Variants in RFWD3 observed in about 807,000 individuals in gnomAD.
RFWD3 encodes the protein ring finger and WD repeat domain 3, also known as E3 ubiquitin-protein ligase RFWD3.
Under a neutral mutation model 87.7 loss-of-function variants are expected in RFWD3, and 65 were observed. The observed-to-expected ratio is 0.74, with a 90% CI of 0.61 to 0.91. The LOEUF (loss-of-function observed/expected upper bound fraction) is 0.91, where lower values mean the gene tolerates loss of function less well. RFWD3 is among the 40% of genes least tolerant of loss of function. The pLI is 0.00. For missense variants in RFWD3, 1,078 were observed against 938.5 expected, an observed-to-expected ratio of 1.15 and a Z score of -1.94; for synonymous variants, 433 against 352.8, an observed-to-expected ratio of 1.23 and a Z score of -2.55.
intron 8 of RFWD3, among the ~76,000 whole-genome samples, chr16:74,635,520 T>C (rs1232971079): frequency 6.6e-6 from 1 of 151,122 alleles, no homozygotes; most frequent in African/African-American, 2.4e-5. Context: ...GAGTTAATCA[T>C]TAAGGGGAAC....
rs1313517434 is a variant in RFWD3 at position 74,661,363 on chromosome 16, G to A, written c.87C>T (p.Ser29=). Reference sequence around the variant, plus strand: ...GCTGGAGGAGGGCTGGTCCCCCTTGGCTGCTGGCCATGCCAGCAGGAGCTG... The same window carrying A: ...GCTGGAGGAGGGCTGGTCCCCCTTGACTGCTGGCCATGCCAGCAGGAGCTG... The part of the protein sequence containing the change: ...QQPAPAGMAS[S]QGGPALLQPV... The change falls in exon 2 of 13, where the codon AGC becomes AGT. Residue 29 remains serine, a synonymous_variant. Transcript: ENST00000361070. 2 of 1,614,074 alleles carry A rather than the reference G, an allele frequency of 1.2e-6. No individual in the cohort carries two copies. The highest frequency in any genetic ancestry group is 1.6e-4 in the Middle Eastern group (1 of 6,062).
chr16:74,642,982 C>T (rs1019861851), intron 6 of RFWD3, among the ~76,000 whole-genome samples: 1 of 152,182 alleles, frequency 6.6e-6, no homozygotes. Flanking sequence ...TCACCCATTA[C>T]AGCCACACGT....
chr16:74,646,362 T>G (rs1008766790), intron 4 of RFWD3, among the ~76,000 whole-genome samples: 1 of 152,114 alleles, frequency 6.6e-6, no homozygotes, highest in Non-Finnish European at 1.5e-5. Context: ...AGGGACAGAA[T>G]GAGACCCTGT....
intron 10 of RFWD3, 22 bp downstream of exon 10, chr16:74,630,758 GA>G: frequency 5.1e-6 from 8 of 1,565,404 alleles, no homozygotes; most frequent in Non-Finnish European, 6.1e-6. Flanking sequence ...CTACCACCAG[GA>G]AAAGAGTGAG....
intron 4 of RFWD3, among the ~76,000 whole-genome samples, chr16:74,647,304 T>C (rs1358661257): frequency 1.3e-5 from 2 of 152,126 alleles, no homozygotes; most frequent in African/African-American, 4.8e-5. Context: ...TATTTTTTTT[T>C]TGACATGGAG....
At chr16:74,633,710 G>A (rs963366300) in intron 8 of RFWD3, among the ~76,000 whole-genome samples, 1 of 152,188 alleles carries the variant, frequency 6.6e-6, no homozygotes, top group African/African-American at 2.4e-5. Context: ...AGCACTTTGG[G>A]AGGCTGAGGT....
chr16:74,663,621 C>T (rs569509872), intron 1 of RFWD3, among the ~76,000 whole-genome samples: 1 of 152,310 alleles, frequency 6.6e-6, no homozygotes, highest in East Asian at 1.9e-4. Flanking sequence ...AACCCACGAA[C>T]ATGACCCCCA....
At chr16:74,637,109 GT>G (rs1959216578) in intron 7 of RFWD3, among the ~76,000 whole-genome samples, 1 of 107,114 alleles carries the variant, frequency 9.3e-6, no homozygotes, top group Admixed American at 1.1e-4. Flanking sequence ...TGGTGGTTTC[GT>G]TTAAAGTCCT....
Position 74,621,521 on chromosome 16 carries a change from C to T in RFWD3, c.*2407G>A, listed in dbSNP as rs1366234471. The T allele has an allele frequency of 6.6e-6, 1 of 151,998 alleles. No individual in the cohort carries two copies. Among genetic ancestry groups the T allele is most frequent in the African/African-American group, 2.4e-5 (1 of 41,378 alleles). The allele number at this position is 151,998 out of a possible 1,614,324, so 9.4% of individuals were successfully genotyped here. A position where few individuals can be genotyped will look rare whatever the true frequency, so the allele number is the denominator to read the frequency against. Reference sequence around the variant, plus strand: ...GCAGGGGCAAGAATACATACAATGACAAGACATTTTGAGTTCGTTTAACTC... The same window carrying T: ...GCAGGGGCAAGAATACATACAATGATAAGACATTTTGAGTTCGTTTAACTC... On this transcript the variant is annotated 3_prime_UTR_variant, in exon 13 of 13. Coordinates refer to ENST00000361070, the MANE Select transcript of RFWD3 (RefSeq NM_018124.4).
chr16:74,637,016 A>G (rs1268740009), intron 7 of RFWD3, among the ~76,000 whole-genome samples: 1 of 151,324 alleles, frequency 6.6e-6, no homozygotes, highest in Non-Finnish European at 1.5e-5. Flanking sequence ...CCCGGCCAGA[A>G]CTGCTGAGTT....
At chr16:74,643,678 T>C (rs1184866348) in intron 6 of RFWD3, among the ~76,000 whole-genome samples, 2 of 113,606 alleles carry the variant, frequency 1.8e-5, no homozygotes, top group Non-Finnish European at 4.1e-5. Context: ...TGTTTTTTTT[T>C]TTTTTTTTTT....
chr16:74,636,334 T>C lies in RFWD3; in HGVS notation c.1426+12A>G. 1 of 1,609,592 alleles carries C rather than the reference T, an allele frequency of 6.2e-7. No homozygotes were observed. Among genetic ancestry groups the C allele is most frequent in the Non-Finnish European group, 8.5e-7 (1 of 1,175,904 alleles). On this transcript the variant is annotated intron_variant, in intron 8 of 12. Coordinates refer to ENST00000361070, the MANE Select transcript of RFWD3 (RefSeq NM_018124.4). ...ATAAAGAACATGAAAGCTGAGGTTC[T>C]AGACTCTTTACCTGGAAGAAAAGAG... is the stretch of plus-strand genomic sequence containing the variant.
chr16:74,653,353 A>G lies in RFWD3; in HGVS notation c.519-1231T>C, dbSNP rs12599437. 3.5e-3 allele frequency among the ~76,000 whole-genome samples: 530 copies of G among 152,018 alleles called. 12 individuals are homozygous for G. The East Asian group carries it at 0.063, about 18-fold the overall frequency. On this transcript the variant is annotated intron_variant, in intron 2 of 12. Coordinates refer to ENST00000361070, the MANE Select transcript of RFWD3 (RefSeq NM_018124.4). ...CTTGTCTCAACAACAAAAAAACAAA[A>G]AAATGACACCCAAAAAACTTGGGAG...
chr16:74,643,357 A>T (rs1242089112), intron 6 of RFWD3, among the ~76,000 whole-genome samples: 1 of 152,180 alleles, frequency 6.6e-6, no homozygotes, highest in Non-Finnish European at 1.5e-5. Flanking sequence ...ACATTTCAAC[A>T]TTGTATTCTG....
At chr16:74,652,522 G>C (rs1452679599) in intron 2 of RFWD3, among the ~76,000 whole-genome samples, 2 of 152,310 alleles carry the variant, frequency 1.3e-5, no homozygotes, top group East Asian at 1.9e-4. Flanking sequence ...TGCTATTGCA[G>C]TCACCCAGAC....
At chr16:74,635,508 C>G (rs1475442273) in intron 8 of RFWD3, among the ~76,000 whole-genome samples, 1 of 151,744 alleles carries the variant, frequency 6.6e-6, no homozygotes, top group Non-Finnish European at 1.5e-5. Flanking sequence ...GAAATACACA[C>G]CGAGTTAATC....
At chr16:74,636,845 G>A (rs1265982517) in intron 7 of RFWD3, among the ~76,000 whole-genome samples, 1 of 151,346 alleles carries the variant, frequency 6.6e-6, no homozygotes, top group African/African-American at 2.4e-5. Context: ...TGAGTAGCTG[G>A]GATTACATGC....
chr16:74,657,874 A>G (rs566816262), intron 2 of RFWD3, among the ~76,000 whole-genome samples: 9 of 152,318 alleles, frequency 5.9e-5, no homozygotes, highest in African/African-American at 1.2e-4. Context: ...AACACATAAG[A>G]AAAGCATTTC....
In RFWD3 at chr16:74,623,661, C is replaced by T. The variant is rs766329644; in HGVS notation, c.*267G>A. 6 of 315,670 alleles carry T rather than the reference C, an allele frequency of 1.9e-5. No individual in the cohort carries two copies. The highest frequency in any genetic ancestry group is 2.3e-5 in the Non-Finnish European group (4 of 173,464). The allele number at this position is 315,670 out of a possible 1,614,324, so 19.6% of individuals were successfully genotyped here. On this transcript the variant is annotated 3_prime_UTR_variant, in exon 13 of 13. Coordinates refer to ENST00000361070, the MANE Select transcript of RFWD3 (RefSeq NM_018124.4). ...AAATAAAGAAAATAAGAATTTCCAA[C>T]ATACAATAATGGTTAATGAAGGCTT...
Sources: gnomAD v4.1 joint callset for allele counts (sites outside exome capture counted in the v4.1 genomes callset) on GRCh38, gnomAD v4.1.1 for gene constraint, MANE v1.5 for transcripts, NCBI Gene and HGNC (gene_info 2026-07-23, HGNC 2026-07-21) for gene names.